The following MECOM variants were observed in gnomAD, a reference collection of about 807,000 sequenced individuals.
MECOM encodes histone-lysine N-methyltransferase MECOM.
MECOM carries 13 observed loss-of-function variants against 116.3 expected under a neutral mutation model. The observed-to-expected ratio is 0.11, with a 90% CI of 0.07 to 0.18. The LOEUF (loss-of-function observed/expected upper bound fraction) is 0.18. Ranked by LOEUF, MECOM falls within the 10% of genes least tolerant of loss-of-function variation. MECOM has a pLI of 1.00. For missense variants in MECOM, 1,299 were observed against 1,509.0 expected (o/e 0.86, Z 2.31); for synonymous variants, 528 against 535.2 (o/e 0.99, Z 0.19).
chr3:169,109,109 C>A (rs1316765622), intron 9 of MECOM, among the ~76,000 whole-genome samples: 1 of 152,132 alleles, frequency 6.6e-6, no homozygotes, highest in Non-Finnish European at 1.5e-5. Flanking sequence ...AAAATAGGAA[C>A]AAACGAAATG....
At chr3:169,374,140 C>T (rs199498259) in intron 2 of MECOM, among the ~76,000 whole-genome samples, 8 of 148,278 alleles carry the variant, frequency 5.4e-5, no homozygotes, top group Non-Finnish European at 1.1e-4. Context: ...TCTCTCTCTC[C>T]CTCTCTCTCT....
intron 2 of MECOM, among the ~76,000 whole-genome samples, chr3:169,309,699 G>A (rs1718376310): frequency 6.6e-6 from 1 of 152,102 alleles, no homozygotes; most frequent in Non-Finnish European, 1.5e-5. Context: ...TCACAGTTTG[G>A]GGTAATTCTT....
intron 2 of MECOM, among the ~76,000 whole-genome samples, chr3:169,346,619 C>A (rs1003422937): frequency 6.6e-6 from 1 of 151,730 alleles, no homozygotes; most frequent in Non-Finnish European, 1.5e-5. Context: ...AAAAAATGCA[C>A]TTCAATGACA....
In MECOM at chr3:169,484,171, A is replaced by T. The variant is rs187351450; in HGVS notation, c.38-102647T>A. 1,212 of 638,448 alleles carry T rather than the reference A, an allele frequency of 1.9e-3. 15 individuals carry two copies. In the African/African-American group the frequency reaches 0.02, roughly 11 times the overall value. 39.5% of individuals were successfully genotyped at this position (638,448 alleles called of 1,614,324 possible). ...ACAATTCAACATTTTGCTTTGCCCA[A>T]TCCCATTACTGCTTGCACTTATTGA... On this transcript the variant is annotated intron_variant, in intron 1 of 16. Transcript: ENST00000651503.
chr3:169,111,008 A>G (rs1441316071), intron 9 of MECOM, among the ~76,000 whole-genome samples: 1 of 152,186 alleles, frequency 6.6e-6, no homozygotes, highest in African/African-American at 2.4e-5. Context: ...ATTTTAAAAT[A>G]TATACCTACT....
chr3:169,437,302 T>C (rs1475714364), intron 1 of MECOM, among the ~76,000 whole-genome samples: 1 of 152,184 alleles, frequency 6.6e-6, no homozygotes, highest in Non-Finnish European at 1.5e-5. Context: ...GCAAGGAAAA[T>C]GTATTGGTTA....
chr3:169,300,641 T>C (rs772454790), intron 2 of MECOM, among the ~76,000 whole-genome samples: 1 of 152,216 alleles, frequency 6.6e-6, no homozygotes, highest in Non-Finnish European at 1.5e-5. Context: ...AGTGTTCTCT[T>C]CTAAAATATC....
intron 2 of MECOM, among the ~76,000 whole-genome samples, chr3:169,305,892 T>C (rs556392745): frequency 1.3e-5 from 2 of 152,300 alleles, no homozygotes; most frequent in East Asian, 3.9e-4. Context: ...TTTTTAACCC[T>C]GTAACAATGG....
At chr3:169,292,576 C>T (rs1210376496) in intron 2 of MECOM, among the ~76,000 whole-genome samples, 1 of 152,118 alleles carries the variant, frequency 6.6e-6, no homozygotes, top group Non-Finnish European at 1.5e-5. Context: ...CCAGTGATCT[C>T]TCTGAGCCAC....
At chr3:169,426,047 A>G (rs943118818) in intron 1 of MECOM, among the ~76,000 whole-genome samples, 1 of 152,198 alleles carries the variant, frequency 6.6e-6, no homozygotes, top group African/African-American at 2.4e-5. Flanking sequence ...GTATTTTAAC[A>G]ATATTCTACA....
chr3:169,105,923 T>G (rs951474945), intron 10 of MECOM, among the ~76,000 whole-genome samples: 1 of 152,150 alleles, frequency 6.6e-6, no homozygotes, highest in African/African-American at 2.4e-5. Context: ...AGGCAAGATA[T>G]TATCAACTGG....
At chr3:169,475,135 A>G (rs1431610962) in intron 1 of MECOM, among the ~76,000 whole-genome samples, 1 of 152,340 alleles carries the variant, frequency 6.6e-6, no homozygotes, top group East Asian at 1.9e-4. Context: ...AAATGCACAT[A>G]CAAATCACTT....
At chr3:169,216,597 A>G (rs541485253) in intron 2 of MECOM, among the ~76,000 whole-genome samples, 3 of 151,250 alleles carry the variant, frequency 2.0e-5, no homozygotes, top group Non-Finnish European at 4.4e-5. Context: ...AAAAAAGTAC[A>G]CTATAGGTTA....
chr3:169,113,885 C>T (rs767298068), intron 8 of MECOM, among the ~76,000 whole-genome samples: 4 of 151,692 alleles, frequency 2.6e-5, no homozygotes, highest in Non-Finnish European at 5.9e-5. Flanking sequence ...GGTTGCAACC[C>T]AAGTCTGACA....
At chr3:169,482,849 C>A (rs908339504) in intron 1 of MECOM, among the ~76,000 whole-genome samples, 2 of 152,178 alleles carry the variant, frequency 1.3e-5, no homozygotes, top group South Asian at 2.1e-4. Context: ...AATTGATAGG[C>A]CTTTTAAATC....
At chr3:169,195,716 A>C (rs1748327220) in intron 2 of MECOM, among the ~76,000 whole-genome samples, 1 of 152,012 alleles carries the variant, frequency 6.6e-6, no homozygotes, top group African/African-American at 2.4e-5. Flanking sequence ...CTAAAGATGC[A>C]TTGTAGCCTG....
chr3:169,342,058 T>C (rs978653784), intron 2 of MECOM, among the ~76,000 whole-genome samples: 4 of 152,070 alleles, frequency 2.6e-5, no homozygotes, highest in Non-Finnish European at 4.4e-5. Flanking sequence ...AAATAGCATG[T>C]TCTCAATAGG....
chr3:169,106,546 A>T (rs1725506725), intron 10 of MECOM, among the ~76,000 whole-genome samples: 1 of 152,154 alleles, frequency 6.6e-6, no homozygotes, highest in Non-Finnish European at 1.5e-5. Flanking sequence ...CACATCTCTG[A>T]AAAACCTGTG....
At chr3:169,147,945 T>A (rs771071494) in intron 2 of MECOM, among the ~76,000 whole-genome samples, 12 of 151,954 alleles carry the variant, frequency 7.9e-5, no homozygotes, top group Non-Finnish European at 1.5e-4. Flanking sequence ...ATAAATAGTT[T>A]AGAAATTCTC....
Sources: allele counts gnomAD v4.1 joint callset (sites outside exome capture counted in the v4.1 genomes callset), GRCh38; gene constraint gnomAD v4.1.1; transcripts MANE v1.5; gene names NCBI Gene and HGNC (gene_info 2026-07-23, HGNC 2026-07-21).